The following PTPRN2 variants were observed in gnomAD, a reference collection of about 807,000 sequenced individuals.
The protein encoded by PTPRN2 is protein tyrosine phosphatase receptor type N2.
A neutral mutation model predicts 118.8 loss-of-function variants in PTPRN2; 74 were observed. The ratio of observed to expected loss-of-function variants is 0.62; its 90% confidence interval spans 0.52 to 0.76. The LOEUF (loss-of-function observed/expected upper bound fraction) is 0.76. Ranked by LOEUF, PTPRN2 falls within the 30% of genes least tolerant of loss-of-function variation. The pLI, the probability that PTPRN2 is intolerant of heterozygous loss-of-function variation, is 0.00. For synonymous variants in PTPRN2, 641 were observed against 608.0 expected (o/e 1.05, Z -0.80); for missense variants, 1,481 against 1,394.4 (o/e 1.06, Z -0.99).
At chr7:158,456,422 G>A (rs1367736222) in intron 2 of PTPRN2, among the ~76,000 whole-genome samples, 6 of 139,112 alleles carry the variant, frequency 4.3e-5, no homozygotes, top group African/African-American at 1.1e-4. Flanking sequence ...CATCGGCCAC[G>A]GCCCCCCATC....
intron 2 of PTPRN2, among the ~76,000 whole-genome samples, chr7:158,333,741 C>T (rs1300388520): frequency 1.3e-5 from 2 of 149,340 alleles, no homozygotes; most frequent in Admixed American, 6.6e-5. Flanking sequence ...CACACACATA[C>T]TCTCACCATA....
intron 12 of PTPRN2, among the ~76,000 whole-genome samples, chr7:157,850,069 C>G (rs1011979654): frequency 1.3e-5 from 2 of 152,188 alleles, no homozygotes; most frequent in Non-Finnish European, 2.9e-5. Flanking sequence ...AAATAAATTG[C>G]CAGATAAAAT....
intron 3 of PTPRN2, among the ~76,000 whole-genome samples, chr7:158,249,526 C>T (rs1383790872): frequency 6.7e-6 from 1 of 149,160 alleles, no homozygotes; most frequent in African/African-American, 2.5e-5. Flanking sequence ...ACATGCACAC[C>T]ATACATGCAT....
In PTPRN2 at chr7:158,493,763, G is replaced by T. The variant is rs113631366; in HGVS notation, c.113-3978C>A. ...CACACACGTACATGGGTACACTCAT[G>T]CATGCATGCAGTCATGCCCATTCAC... On this transcript the variant is annotated intron_variant, in intron 1 of 22. Coordinates refer to ENST00000389418, the MANE Select transcript of PTPRN2 (RefSeq NM_002847.5). Among the ~76,000 whole-genome samples, 165 of 114,880 alleles carry T rather than the reference G, an allele frequency of 1.4e-3. 5 individuals carry two copies. The highest frequency in any genetic ancestry group is 5.4e-3 in the African/African-American group (159 of 29,548). 75.4% of individuals were successfully genotyped at this position (114,880 alleles called of 152,430 possible). A position where few individuals can be genotyped will look rare whatever the true frequency, so the allele number is the denominator to read the frequency against.
At chr7:158,578,412 G>A (rs916386045) in intron 1 of PTPRN2, among the ~76,000 whole-genome samples, 5 of 151,344 alleles carry the variant, frequency 3.3e-5, no homozygotes, top group African/African-American at 7.3e-5. Context: ...GCACATACCT[G>A]TAGTATCAGC....
chr7:158,021,813 A>G (rs1345897939), intron 11 of PTPRN2, among the ~76,000 whole-genome samples: 1 of 152,202 alleles, frequency 6.6e-6, no homozygotes, highest in Non-Finnish European at 1.5e-5. Flanking sequence ...TCCACCAGAA[A>G]AGACCACTAC....
intron 6 of PTPRN2, among the ~76,000 whole-genome samples, chr7:158,159,268 C>T (rs1399602158): frequency 6.6e-6 from 1 of 152,258 alleles, no homozygotes. Context: ...GAGAGTTGCA[C>T]GGCCGGCAGC....
In PTPRN2 at chr7:158,133,974, G is replaced by A. The variant is rs771752201; in HGVS notation, c.1259C>T (p.Pro420Leu). The A allele has an allele frequency of 6.2e-7, 1 of 1,614,018 alleles. No individual in the cohort carries two copies. The highest frequency in any genetic ancestry group is 1.1e-5 in the South Asian group (1 of 91,080). Residue 420 changes from proline (P) to leucine (L), a missense_variant, in exon 9 of 23, where the codon CCC (proline) becomes CTC (leucine). Pro to Leu is a moderately conservative substitution (Grantham distance 98, BLOSUM62 -3). Coordinates refer to ENST00000389418, the MANE Select transcript of PTPRN2 (RefSeq NM_002847.5). The part of the protein sequence containing the change: ...LLPGALPFAR[P>L]LDMERKKSEH... ...GGACTTCTTCCTCTCCATGTCGAGGGGCCTTGCAAAGGGGAGGGCTCCAGG... is the reference window on the plus strand; with the variant it reads ...GGACTTCTTCCTCTCCATGTCGAGGAGCCTTGCAAAGGGGAGGGCTCCAGG...
At chr7:157,620,041 G>A (rs1002728656) in intron 15 of PTPRN2, among the ~76,000 whole-genome samples, 9 of 152,204 alleles carry the variant, frequency 5.9e-5, no homozygotes, top group Non-Finnish European at 1.0e-4. Flanking sequence ...TTGCATCAGA[G>A]ACATGCGCAA....
At chr7:157,939,987 G>A (rs1799945823) in intron 11 of PTPRN2, among the ~76,000 whole-genome samples, 1 of 152,224 alleles carries the variant, frequency 6.6e-6, no homozygotes, top group African/African-American at 2.4e-5. Flanking sequence ...GTCCTGGAAG[G>A]TGTCGCCGCA....
intron 19 of PTPRN2, 119 bp downstream of exon 19, chr7:157,576,493 CT>C: frequency 1.8e-6 from 2 of 1,092,708 alleles, no homozygotes; most frequent in Admixed American, 3.1e-5. Context: ...CCCCTCCCCC[CT>C]GCGGCGCCGA....
Position 158,436,353 on chromosome 7 carries a change from G to A in PTPRN2, c.163+53382C>T, listed in dbSNP as rs28507087. 6.2e-5 allele frequency among the ~76,000 whole-genome samples: 9 copies of A among 144,366 alleles called. No individual in the cohort carries two copies. In the South Asian group the frequency reaches 6.9e-4, roughly 11 times the overall value. The allele number at this position is 144,366 out of a possible 152,430, so 94.7% of individuals were successfully genotyped here. A position where few individuals can be genotyped will look rare whatever the true frequency, so the allele number is the denominator to read the frequency against. On this transcript the variant is annotated intron_variant, in intron 2 of 22. Coordinates refer to ENST00000389418, the MANE Select transcript of PTPRN2 (RefSeq NM_002847.5). ...TCTCTCGAGTTCTGTCTGTCTTTTCGTAGGAGTCATCTGTTGATGGAGTCT... is the reference window on the plus strand; with the variant it reads ...TCTCTCGAGTTCTGTCTGTCTTTTCATAGGAGTCATCTGTTGATGGAGTCT...
At chr7:158,382,461 A>G (rs1270654839) in intron 2 of PTPRN2, among the ~76,000 whole-genome samples, 1 of 152,232 alleles carries the variant, frequency 6.6e-6, no homozygotes, top group Non-Finnish European at 1.5e-5. Context: ...GAAGGAAAGA[A>G]ATGCATAAAT....
At chr7:158,167,761 C>T (rs139410339) in intron 5 of PTPRN2, among the ~76,000 whole-genome samples, 1 of 152,338 alleles carries the variant, frequency 6.6e-6, no homozygotes, top group Admixed American at 6.5e-5. Context: ...CCATGTGTGG[C>T]ATCTGTGCCT....
At chr7:157,872,828 G>A (rs1811191261) in intron 12 of PTPRN2, among the ~76,000 whole-genome samples, 1 of 152,224 alleles carries the variant, frequency 6.6e-6, no homozygotes, top group Admixed American at 6.5e-5. Flanking sequence ...GGGGTAGAGG[G>A]GTGACGGGTG....
At chr7:157,555,834 T>C (rs1798847400) in intron 21 of PTPRN2, among the ~76,000 whole-genome samples, 1 of 152,186 alleles carries the variant, frequency 6.6e-6, no homozygotes, top group Non-Finnish European at 1.5e-5. Context: ...TTCAAATACA[T>C]GACGAATGGT....
intron 9 of PTPRN2, among the ~76,000 whole-genome samples, chr7:158,132,076 T>C (rs372945095): frequency 0.018 from 2,764 of 149,770 alleles, 68 homozygotes; most frequent in African/African-American, 0.057. Flanking sequence ...CACATCTACC[T>C]GACACACACA....
At chr7:158,111,895 C>T (rs1237286029) in intron 9 of PTPRN2, among the ~76,000 whole-genome samples, 1 of 152,218 alleles carries the variant, frequency 6.6e-6, no homozygotes, top group African/African-American at 2.4e-5. Context: ...TTTAGTTAAG[C>T]TGAGGTCAAT....
chr7:157,761,192 C>T (rs1802103667), intron 12 of PTPRN2, among the ~76,000 whole-genome samples: 1 of 151,840 alleles, frequency 6.6e-6, no homozygotes, highest in African/African-American at 2.4e-5. Context: ...TTTATAGATT[C>T]AATGCCATCC....
Sources: allele counts gnomAD v4.1 joint callset (sites outside exome capture counted in the v4.1 genomes callset), GRCh38; gene constraint gnomAD v4.1.1; transcripts MANE v1.5; gene names NCBI Gene and HGNC (gene_info 2026-07-23, HGNC 2026-07-21).